Variants in TOGARAM2 observed in about 807,000 individuals in gnomAD.
TOGARAM2 encodes the protein TOG array regulator of axonemal microtubules protein 2.
TOGARAM2 carries 85 observed loss-of-function variants against 93.3 expected under a neutral mutation model. The ratio of observed to expected loss-of-function variants is 0.91; its 90% CI spans 0.76 to 1.09. The LOEUF (loss-of-function observed/expected upper bound fraction) is 1.09. Ranked by LOEUF, TOGARAM2 falls within the 50% of genes least tolerant of loss-of-function variation. TOGARAM2 has a pLI of 0.00. For synonymous variants in TOGARAM2, 593 were observed against 552.8 expected (o/e 1.07, Z -1.02); for missense variants, 1,277 against 1,334.5 (o/e 0.96, Z 0.67).
Position 29,033,574 on chromosome 2 carries a change from T to C in TOGARAM2, c.2225+11T>C. 1.2e-6 allele frequency: 2 copies of C among 1,609,980 alleles called. No homozygotes were observed. Among genetic ancestry groups the C allele is most frequent in the South Asian group, 1.1e-5 (1 of 89,974 alleles). On this transcript the variant is annotated intron_variant, in intron 16 of 19. Coordinates refer to ENST00000379558, the MANE Select transcript of TOGARAM2 (RefSeq NM_199280.4). The stretch of plus-strand genomic sequence containing the variant: ...GCCCATCAAGGAGGGGTATGGCTGC[T>C]CCTGTATCTCTGGGCTTCACATCTA...
At position 28,995,796 on chromosome 2, in the gene TOGARAM2, C is replaced by A. The variant is rs79531307; in HGVS notation, c.28+934C>A. ...GGAACCCAGGCTCCTGAGTTCCAGACTAGGAGTCTTGCAGCCTGGGGATGG... is the reference window on the plus strand; with the variant it reads ...GGAACCCAGGCTCCTGAGTTCCAGAATAGGAGTCTTGCAGCCTGGGGATGG... On this transcript the variant is annotated intron_variant, in intron 2 of 19. Transcript: ENST00000379558. Among the ~76,000 whole-genome samples the A allele has an allele frequency of 2.6e-5, 4 of 152,350 alleles. No individual in the cohort carries two copies. The East Asian group carries it at 7.7e-4, about 29-fold the overall frequency.
At chr2:29,006,223 CTG>C (rs1195810991) in intron 6 of TOGARAM2, among the ~76,000 whole-genome samples, 32 of 132,638 alleles carry the variant, frequency 2.4e-4, no homozygotes, top group South Asian at 4.9e-4. Context: ...GTGTGTGTGA[CTG>C]TGTGTGAAGC....
chr2:28,983,259 T>C (rs1231965051), intron 1 of TOGARAM2, among the ~76,000 whole-genome samples: 1 of 142,782 alleles, frequency 7.0e-6, no homozygotes, highest in African/African-American at 2.6e-5. Context: ...TTGCTCAGCC[T>C]GGTCTCGAAT....
At chr2:29,045,502 A>T (rs780459969) in intron 19 of TOGARAM2, 92 bp downstream of exon 19, 2 of 1,095,830 alleles carry the variant, frequency 1.8e-6, no homozygotes, top group Non-Finnish European at 2.7e-6. Flanking sequence ...GTTATCTTAG[A>T]CCTGAAATAA....
intron 18 of TOGARAM2, among the ~76,000 whole-genome samples, chr2:29,037,963 C>T (rs1213710299): frequency 6.6e-6 from 1 of 152,160 alleles, no homozygotes; most frequent in African/African-American, 2.4e-5. Context: ...AGGATAAGTA[C>T]CCTTGTCTAG....
chr2:28,970,493 A>C (rs1186660003), intron 1 of TOGARAM2, among the ~76,000 whole-genome samples: 3 of 152,218 alleles, frequency 2.0e-5, no homozygotes, highest in Admixed American at 1.3e-4. Context: ...AGCCATTAGG[A>C]TCCTGGCCTG....
At chr2:29,024,756 A>T (rs914866387) in intron 13 of TOGARAM2, among the ~76,000 whole-genome samples, 2 of 152,044 alleles carry the variant, frequency 1.3e-5, no homozygotes, top group Non-Finnish European at 2.9e-5. Flanking sequence ...TGGCTGTGGG[A>T]GCGCCCCGGG....
Position 29,028,045 on chromosome 2 carries a change from G to A in TOGARAM2, c.2012+1034G>A, listed in dbSNP as rs188665616. Among the ~76,000 whole-genome samples the A allele has an allele frequency of 1.1e-4, 16 of 152,288 alleles. No individual in the cohort carries two copies. The East Asian group carries it at 2.9e-3, about 28-fold the overall frequency. ...GTGGGAGTATGAGGAGGTGTTGGAGGATTTTAAGCAGGAGAGCGAGAGGAT... is the reference window on the plus strand; with the variant it reads ...GTGGGAGTATGAGGAGGTGTTGGAGAATTTTAAGCAGGAGAGCGAGAGGAT... On this transcript the variant is annotated intron_variant, in intron 14 of 19. Transcript: ENST00000379558.
intron 10 of TOGARAM2, among the ~76,000 whole-genome samples, chr2:29,019,332 G>A (rs981527141): frequency 4.6e-5 from 7 of 151,860 alleles, no homozygotes; most frequent in South Asian, 2.1e-4. Context: ...ACCATGGCCC[G>A]ATTAATTTCT....
chr2:29,032,213 G>T (rs1487855179), intron 14 of TOGARAM2, among the ~76,000 whole-genome samples: 10 of 152,050 alleles, frequency 6.6e-5, no homozygotes, highest in Admixed American at 6.6e-4. Context: ...CCCTAAACAG[G>T]GTCCTGTGTT....
chr2:28,974,093 T>C (rs1671991836), intron 1 of TOGARAM2, among the ~76,000 whole-genome samples: 3 of 151,972 alleles, frequency 2.0e-5, no homozygotes. Flanking sequence ...TTTCTCTTTG[T>C]CTTTAGTTTT....
rs147114163 is a variant in TOGARAM2, at chr2:29,005,507, T to TTG, written c.830+1829_830+1830dup. Reference sequence around the variant, plus strand: ...TGTGCATGTGTGTGAGTGCATGTGTTTGTGTAACTACGTGTGTGAAGCCAT... The same window carrying TTG: ...TGTGCATGTGTGTGAGTGCATGTGTTTGTGTGTAACTACGTGTGTGAAGCCAT... On this transcript the variant is annotated intron_variant, in intron 6 of 19. Transcript: ENST00000379558. Among the ~76,000 whole-genome samples the TTG allele has an allele frequency of 4.2e-3, 579 of 136,986 alleles. 9 individuals are homozygous for TTG. Among genetic ancestry groups the TTG allele is most frequent in the African/African-American group, 0.015 (513 of 34,356 alleles). The allele number at this position is 136,986 out of a possible 152,430, so 89.9% of individuals were successfully genotyped here.
chr2:29,026,632 A>G (rs1360212882), intron 13 of TOGARAM2, among the ~76,000 whole-genome samples: 1 of 152,214 alleles, frequency 6.6e-6, no homozygotes, highest in African/African-American at 2.4e-5. Context: ...GTGTAGCTTC[A>G]TGTCACTTTC....
intron 1 of TOGARAM2, among the ~76,000 whole-genome samples, chr2:28,973,361 TTCC>T (rs1352059464): frequency 1.4e-5 from 2 of 138,844 alleles, no homozygotes; most frequent in African/African-American, 2.7e-5. Context: ...CCTTCCTTCT[TTCC>T]TCCTTCCTTC....
At chr2:29,020,905 T>TTTTG (rs752694879) in intron 10 of TOGARAM2, among the ~76,000 whole-genome samples, 1 of 152,072 alleles carries the variant, frequency 6.6e-6, no homozygotes, top group Non-Finnish European at 1.5e-5. Flanking sequence ...TCTCCGCTTT[T>TTTTG]TTTGTTTGTT....
intron 18 of TOGARAM2, among the ~76,000 whole-genome samples, chr2:29,040,159 T>C (rs1285694553): frequency 6.6e-6 from 1 of 152,234 alleles, no homozygotes; most frequent in African/African-American, 2.4e-5. Context: ...TCTCTTCTAT[T>C]TTTGTCTATA....
At chr2:28,966,092 G>A (rs947624392) in intron 1 of TOGARAM2, among the ~76,000 whole-genome samples, 1 of 150,770 alleles carries the variant, frequency 6.6e-6, no homozygotes, top group Non-Finnish European at 1.5e-5. Context: ...CACGATTTTT[G>A]GCTCAATGCA....
At position 29,033,088 on chromosome 2, in the gene TOGARAM2, G is replaced by T. The variant is rs540889714; in HGVS notation, c.2130+37G>T. 5 of 1,558,290 alleles carry T rather than the reference G, an allele frequency of 3.2e-6. No individual in the cohort carries two copies. In the African/African-American group the frequency reaches 6.8e-5, roughly 21 times the overall value. On this transcript the variant is annotated intron_variant, in intron 15 of 19. Transcript: ENST00000379558. ...GGCATAAGTGGGTCATGGCCTTTTG[G>T]GGGTGGGGGTGACAGTGCTGAGCCT...
chr2:29,005,834 GTATGTGTCAGTGCATGTGTGTGCA>G (rs1558423678), intron 6 of TOGARAM2, among the ~76,000 whole-genome samples: 3 of 132,424 alleles, frequency 2.3e-5, no homozygotes, highest in South Asian at 2.2e-4. Context: ...GTGTGCATGT[GTATGTGTCAGTGCATGTGTGTGCA>G]TATGTGTCAG....
Sources: gnomAD v4.1 joint callset for allele counts (sites outside exome capture counted in the v4.1 genomes callset) on GRCh38, gnomAD v4.1.1 for gene constraint, MANE v1.5 for transcripts, NCBI Gene and HGNC (gene_info 2026-07-23, HGNC 2026-07-21) for gene names.